LMBRD2: variants seen among roughly 807,000 people sequenced by gnomAD.
The protein encoded by LMBRD2 is LMBR1 domain containing 2, also known as G protein-coupled receptor-associated protein LMBRD2.
LMBRD2 carries 55 observed loss-of-function variants against 94.4 expected under a neutral mutation model. The observed-to-expected ratio is 0.58, with a 90% CI of 0.47 to 0.73. The LOEUF is 0.73. LMBRD2 is among the 30% of genes least tolerant of loss of function. The probability of loss-of-function intolerance (pLI) is 0.00; values close to 1 mark genes in which losing one functional copy is unlikely to be tolerated. For synonymous variants in LMBRD2, 246 were observed against 272.4 expected (o/e 0.90, Z 0.95); for missense variants, 640 against 831.9 (o/e 0.77, Z 2.84).
chr5:36,132,537 A>G (rs1561520000), intron 6 of LMBRD2, among the ~76,000 whole-genome samples: 1 of 151,960 alleles, frequency 6.6e-6, no homozygotes, highest in Non-Finnish European at 1.5e-5. Flanking sequence ...ACAGAATAGG[A>G]GAAAATATTT....
chr5:36,121,332 T>C (rs1743882773), intron 9 of LMBRD2, among the ~76,000 whole-genome samples: 1 of 152,242 alleles, frequency 6.6e-6, no homozygotes, highest in South Asian at 2.1e-4. Context: ...CTGAGATATT[T>C]GTTATAGCCA....
At chr5:36,121,250 G>A (rs1743881554) in intron 9 of LMBRD2, among the ~76,000 whole-genome samples, 1 of 152,122 alleles carries the variant, frequency 6.6e-6, no homozygotes, top group African/African-American at 2.4e-5. Flanking sequence ...CCAAATATTT[G>A]TTGAATGAAT....
intron 8 of LMBRD2, 44 bp from the exon 9 acceptor site, chr5:36,122,507 A>T: frequency 6.6e-7 from 1 of 1,513,512 alleles, no homozygotes; most frequent in Non-Finnish European, 9.1e-7. Context: ...TTCTGATCCA[A>T]CAGTGGTTCA....
chr5:36,146,643 C>G (rs1477979181), intron 1 of LMBRD2, among the ~76,000 whole-genome samples: 1 of 152,158 alleles, frequency 6.6e-6, no homozygotes, highest in Non-Finnish European at 1.5e-5. Flanking sequence ...TCCCAAAGCA[C>G]TGAGATTTCA....
At chr5:36,115,164 C>A (rs770447385) in intron 11 of LMBRD2, 44 bp from the exon 12 acceptor site, 2 of 1,194,136 alleles carry the variant, frequency 1.7e-6, no homozygotes, top group South Asian at 1.3e-5. Context: ...AGTAAAGCAG[C>A]AAAATACATT....
chr5:36,104,550 C>T (rs1262280636), intron 17 of LMBRD2, among the ~76,000 whole-genome samples: 3 of 151,968 alleles, frequency 2.0e-5, no homozygotes, highest in Non-Finnish European at 4.4e-5. Flanking sequence ...AGCCAGAATA[C>T]TGGACTTTGA....
At chr5:36,134,902 A>G (rs6894587) in intron 6 of LMBRD2, among the ~76,000 whole-genome samples, 7,662 of 152,234 alleles carry the variant, frequency 0.05, 682 homozygotes, top group African/African-American at 0.18. Flanking sequence ...TGAAAAGAGC[A>G]TTCTAATAGT....
chr5:36,142,273 T>C (rs2111909697), intron 3 of LMBRD2, among the ~76,000 whole-genome samples: 1 of 152,304 alleles, frequency 6.6e-6, no homozygotes, highest in Admixed American at 6.5e-5. Flanking sequence ...TTCTTCAAGT[T>C]TCTCACTACC....
At chr5:36,131,008 C>T (rs1056613384) in intron 6 of LMBRD2, among the ~76,000 whole-genome samples, 4 of 152,076 alleles carry the variant, frequency 2.6e-5, no homozygotes, top group African/African-American at 9.7e-5. Context: ...TGCCCTGATT[C>T]CAAAACCAGA....
intron 15 of LMBRD2, 31 bp downstream of exon 15, chr5:36,109,914 T>A (rs780010465): frequency 1.3e-6 from 2 of 1,490,552 alleles, no homozygotes; most frequent in Non-Finnish European, 1.9e-6. Context: ...CAAATTAATC[T>A]TCAGATTACA....
intron 9 of LMBRD2, among the ~76,000 whole-genome samples, chr5:36,121,951 T>C (rs1372852328): frequency 1.3e-5 from 2 of 152,134 alleles, no homozygotes; most frequent in African/African-American, 4.8e-5. Flanking sequence ...AGTGATGAAA[T>C]TGCCTAACAA....
At chr5:36,105,404 G>C (rs963701345) in intron 16 of LMBRD2, among the ~76,000 whole-genome samples, 1 of 152,162 alleles carries the variant, frequency 6.6e-6, no homozygotes, top group African/African-American at 2.4e-5. Flanking sequence ...CTCTAGGCTT[G>C]TAGTTAGCTA....
rs375355800 is a variant in LMBRD2, at chr5:36,104,112, A to C, written c.2028-6T>G. On this transcript the variant is annotated splice_region_variant and splice_polypyrimidine_tract_variant and intron_variant, in intron 17 of 17. Transcript: ENST00000296603. The stretch of plus-strand genomic sequence containing the variant: ...ATCGTCCACCAGGCTGATACCTAAA[A>C]AGGGAACATAAAGAAATGATCTGAG... 1 of 1,604,854 alleles carries C rather than the reference A, an allele frequency of 6.2e-7. No individual in the cohort carries two copies. Among genetic ancestry groups the C allele is most frequent in the African/African-American group, 1.3e-5 (1 of 74,642 alleles).
chr5:36,134,371 G>A (rs1165446858), intron 6 of LMBRD2, among the ~76,000 whole-genome samples: 1 of 152,078 alleles, frequency 6.6e-6, no homozygotes. Context: ...GAGTGTTTAA[G>A]AGTCTGGACA....
chr5:36,131,375 T>C (rs1484965318), intron 6 of LMBRD2, among the ~76,000 whole-genome samples: 1 of 152,094 alleles, frequency 6.6e-6, no homozygotes, highest in Non-Finnish European at 1.5e-5. Flanking sequence ...CCACAGCTAG[T>C]ATCATACTGA....
At chr5:36,125,679 T>C (rs1743992641) in intron 6 of LMBRD2, among the ~76,000 whole-genome samples, 1 of 152,228 alleles carries the variant, frequency 6.6e-6, no homozygotes, top group Admixed American at 6.5e-5. Flanking sequence ...TATTGAAATT[T>C]AGAATATGCA....
intron 1 of LMBRD2, among the ~76,000 whole-genome samples, chr5:36,148,706 A>G (rs915790270): frequency 1.3e-5 from 2 of 152,220 alleles, no homozygotes; most frequent in African/African-American, 2.4e-5. Context: ...TAACTTGTCC[A>G]AGTTAACAGA....
chr5:36,131,899 A>T (rs1561519824), intron 6 of LMBRD2, among the ~76,000 whole-genome samples: 1 of 152,160 alleles, frequency 6.6e-6, no homozygotes, highest in Non-Finnish European at 1.5e-5. Context: ...ACCCAAAGCA[A>T]TCTACAATTT....
At chr5:36,137,500 T>G in intron 4 of LMBRD2, 59 bp from the exon 5 acceptor site, 1 of 1,140,892 alleles carries the variant, frequency 8.8e-7, no homozygotes, top group Non-Finnish European at 1.2e-6. Flanking sequence ...CTGTATAATC[T>G]CAAAGTGCCA....
Sources: gnomAD v4.1 joint callset for allele counts (sites outside exome capture counted in the v4.1 genomes callset) on GRCh38, gnomAD v4.1.1 for gene constraint, MANE v1.5 for transcripts, NCBI Gene and HGNC (gene_info 2026-07-23, HGNC 2026-07-21) for gene names.